Variants in DPYSL5 observed in about 807,000 individuals in gnomAD.
The protein encoded by DPYSL5 is dihydropyrimidinase-related protein 5.
DPYSL5 carries 9 observed loss-of-function variants against 58.4 expected under a neutral mutation model. The observed-to-expected ratio is 0.15, with a 90% CI of 0.09 to 0.27. DPYSL5 has a LOEUF of 0.27. Ranked by LOEUF, DPYSL5 falls within the 10% of genes least tolerant of loss-of-function variation. The pLI, the probability that DPYSL5 is intolerant of heterozygous loss-of-function variation, is 1.00. For missense variants in DPYSL5, 499 were observed against 770.6 expected, an observed-to-expected ratio of 0.65 and a Z score of 4.17; for synonymous variants, 293 against 301.9, an observed-to-expected ratio of 0.97 and a Z score of 0.31.
chr2:26,891,068 G>A (rs985455295), intron 1 of DPYSL5, among the ~76,000 whole-genome samples: 9 of 152,188 alleles, frequency 5.9e-5, no homozygotes, highest in Non-Finnish European at 1.3e-4. Context: ...GAGACGAACT[G>A]TCTGGCTTTC....
At chr2:26,932,185 A>AAGAAAGAC (rs1553321118) in intron 6 of DPYSL5, among the ~76,000 whole-genome samples, 4,737 of 70,162 alleles carry the variant, frequency 0.068, 234 homozygotes, top group Admixed American at 0.095. Flanking sequence ...GAAAGAAAGA[A>AAGAAAGAC]AGAAAGAAAG....
intron 1 of DPYSL5, among the ~76,000 whole-genome samples, chr2:26,889,164 C>T (rs1663806219): frequency 6.6e-6 from 1 of 152,058 alleles, no homozygotes; most frequent in African/African-American, 2.4e-5. Context: ...GCCAGAGGGC[C>T]AGATATTGAC....
chr2:26,863,243 G>A (rs533475208), intron 1 of DPYSL5, among the ~76,000 whole-genome samples: 1 of 152,278 alleles, frequency 6.6e-6, no homozygotes, highest in South Asian at 2.1e-4. Flanking sequence ...ACTAGCCCTG[G>A]CACTCTTGGC....
In DPYSL5 at chr2:26,924,049, C is replaced by A. The variant is rs892773990; in HGVS notation, c.262-838C>A. On this transcript the variant is annotated intron_variant, in intron 2 of 12. Coordinates refer to ENST00000288699, the MANE Select transcript of DPYSL5 (RefSeq NM_020134.4). The surrounding 1 kb of genome is among the most constrained non-coding windows in gnomAD (Gnocchi z 4.7). ...GATCGATGCTAGTTTTGGAACTTCA[C>A]AGAAGTCCCCTGATGAAATTCACTT... 6.6e-6 allele frequency among the ~76,000 whole-genome samples: 1 copy of A among 152,220 alleles called. No homozygotes were observed. Among genetic ancestry groups the A allele is most frequent in the Non-Finnish European group, 1.5e-5 (1 of 68,042 alleles).
intron 5 of DPYSL5, among the ~76,000 whole-genome samples, chr2:26,928,704 T>TACACACACACACAC (rs1553320464): frequency 1.6e-5 from 1 of 62,964 alleles, no homozygotes; most frequent in Non-Finnish European, 3.3e-5. Flanking sequence ...TATATATATA[T>TACACACACACACAC]ACACACACAC....
intron 1 of DPYSL5, among the ~76,000 whole-genome samples, chr2:26,868,144 C>A (rs139308507): frequency 6.0e-4 from 92 of 152,286 alleles, no homozygotes; most frequent in African/African-American, 2.1e-3. Flanking sequence ...GGTTATTTAG[C>A]TTTGTTCTTC....
At chr2:26,872,899 A>G (rs1663308477) in intron 1 of DPYSL5, among the ~76,000 whole-genome samples, 1 of 152,196 alleles carries the variant, frequency 6.6e-6, no homozygotes, top group African/African-American at 2.4e-5. Flanking sequence ...TTCCTTAAAT[A>G]GTGATTCCAT....
chr2:26,920,774 A>G (rs72851853), intron 2 of DPYSL5, among the ~76,000 whole-genome samples: 1,880 of 152,264 alleles, frequency 0.012, 51 homozygotes, highest in African/African-American at 0.043. Context: ...CAAACAAACA[A>G]ACCATTGTTA....
intron 1 of DPYSL5, among the ~76,000 whole-genome samples, chr2:26,894,482 C>T (rs1166903787): frequency 6.6e-6 from 1 of 152,182 alleles, no homozygotes; most frequent in Non-Finnish European, 1.5e-5. Context: ...ATAATACCTT[C>T]CCCACAGGAT....
chr2:26,888,414 G>A (rs1042555104), intron 1 of DPYSL5, among the ~76,000 whole-genome samples: 24 of 152,072 alleles, frequency 1.6e-4, no homozygotes, highest in Admixed American at 4.6e-4. Context: ...GGGATTACAG[G>A]TGCGTGGCAC....
At chr2:26,875,281 G>A (rs757275488) in intron 1 of DPYSL5, among the ~76,000 whole-genome samples, 9 of 152,188 alleles carry the variant, frequency 5.9e-5, no homozygotes, top group Non-Finnish European at 1.2e-4. Flanking sequence ...ACCCATGACG[G>A]CAGAGACAGC....
chr2:26,926,743 A>T lies in DPYSL5; in HGVS notation c.421-510A>T, dbSNP rs114865621. 8.9e-3 allele frequency among the ~76,000 whole-genome samples: 1,351 copies of T among 152,322 alleles called. 11 individuals are homozygous for T. The highest frequency in any genetic ancestry group is 0.03 in the African/African-American group (1,234 of 41,558). On this transcript the variant is annotated intron_variant, in intron 3 of 12. Transcript: ENST00000288699. ...ATGAACCTGAACTTATTTTCCTGTT[A>T]TCAGGCCAATGTTGCTTCCATGTTT...
chr2:26,855,649 A>G (rs1331582428), intron 1 of DPYSL5, among the ~76,000 whole-genome samples: 1 of 152,120 alleles, frequency 6.6e-6, no homozygotes, highest in African/African-American at 2.4e-5. Flanking sequence ...CCCGGTACTC[A>G]ATCACACCAT....
rs1665361846 is a variant in DPYSL5 at position 26,942,867 on chromosome 2, C to A, written c.1440+117C>A. The A allele has an allele frequency of 8.5e-7, 1 of 1,182,470 alleles. No individual in the cohort carries two copies. Among genetic ancestry groups the A allele is most frequent in the Non-Finnish European group, 1.2e-6 (1 of 835,722 alleles). The allele number at this position is 1,182,470 out of a possible 1,614,324, so 73.2% of individuals were successfully genotyped here. A position where few individuals can be genotyped will look rare whatever the true frequency, so the allele number is the denominator to read the frequency against. On this transcript the variant is annotated intron_variant, in intron 11 of 12. Transcript: ENST00000288699. This position sits in a 1 kb window ranked among gnomAD's most constrained non-coding sequence, Gnocchi z 5.9. The stretch of plus-strand genomic sequence containing the variant: ...TCCAGTTTTCGACCCAATTCCATTG[C>A]ACTTTCTCCAGCGTTGAGAGGGGAG...
chr2:26,858,605 C>G (rs1378277628), intron 1 of DPYSL5, among the ~76,000 whole-genome samples: 1 of 150,960 alleles, frequency 6.6e-6, no homozygotes, highest in Non-Finnish European at 1.5e-5. Context: ...AGGTCTCACT[C>G]TGTCACCCAG....
At position 26,939,960 on chromosome 2, in the gene DPYSL5, T is replaced by G. The variant is rs531506992; in HGVS notation, c.948-71T>G. ...TGCTTCCCACACGGAGGATTTTCCC[T>G]ATATCTATCCTCACCCTCTAAGTTC... On this transcript the variant is annotated intron_variant, in intron 8 of 12. Transcript: ENST00000288699. 59 of 1,591,268 alleles carry G rather than the reference T, an allele frequency of 3.7e-5. No individual in the cohort carries two copies. The African/African-American group carries it at 7.4e-4, about 20-fold the overall frequency.
At chr2:26,932,043 A>AG (rs1171370819) in intron 6 of DPYSL5, among the ~76,000 whole-genome samples, 1 of 79,958 alleles carries the variant, frequency 1.3e-5, no homozygotes, top group Non-Finnish European at 2.4e-5. Flanking sequence ...AAGAAAAGAA[A>AG]GAAAGGAAAG....
rs903532641 is a variant in DPYSL5, at chr2:26,927,318, C to T, written c.486C>T (p.Thr162=). The T allele has an allele frequency of 2.5e-6, 4 of 1,614,198 alleles. No individual in the cohort carries two copies. The highest frequency in any genetic ancestry group is 3.4e-6 in the Non-Finnish European group (4 of 1,180,020). The change falls in exon 4 of 13, where the codon ACC becomes ACT. Residue 162 remains threonine, a synonymous_variant. Coordinates refer to ENST00000288699, the MANE Select transcript of DPYSL5 (RefSeq NM_020134.4). This position sits in a 1 kb window ranked among gnomAD's most constrained non-coding sequence, Gnocchi z 4.3. ...TCAACTCGTTCCAGATGTTCATGACCTACAAGGACCTGTACATGCTTCGAG... is the reference window on the plus strand; with the variant it reads ...TCAACTCGTTCCAGATGTTCATGACTTACAAGGACCTGTACATGCTTCGAG... The part of the protein sequence containing the change: ...KGVNSFQMFM[T]YKDLYMLRDS...
chr2:26,860,114 G>A (rs1481400985), intron 1 of DPYSL5, among the ~76,000 whole-genome samples: 2 of 152,150 alleles, frequency 1.3e-5, no homozygotes, highest in Non-Finnish European at 2.9e-5. Flanking sequence ...GGCTTCTAGA[G>A]GACTAAAGTG....
Sources: allele counts gnomAD v4.1 joint callset (sites outside exome capture counted in the v4.1 genomes callset), GRCh38; gene constraint gnomAD v4.1.1; non-coding constraint Gnocchi (gnomAD v3.1); transcripts MANE v1.5; gene names NCBI Gene and HGNC (gene_info 2026-07-23, HGNC 2026-07-21).